SUSD5: variants seen among roughly 807,000 people sequenced by gnomAD.
SUSD5 encodes the protein sushi domain-containing protein 5.
SUSD5 carries 33 observed loss-of-function variants against 29.5 expected under a neutral mutation model. That is an observed-to-expected ratio of 1.12 (90% CI 0.85 to 1.49). The LOEUF is 1.49. Among genes scored for constraint, SUSD5 ranks in the 40% most tolerant of loss-of-function variants. The pLI is 0.00. For synonymous variants in SUSD5, 308 were observed against 325.3 expected (o/e 0.95, Z 0.57); for missense variants, 776 against 800.6 (o/e 0.97, Z 0.37).
At chr3:33,175,231 C>T (rs1279627496) in intron 3 of SUSD5, among the ~76,000 whole-genome samples, 157 bp from the exon 4 acceptor site, 1 of 152,152 alleles carries the variant, frequency 6.6e-6, no homozygotes, top group East Asian at 1.9e-4. Flanking sequence ...AACTCCAAGG[C>T]CTGGCAGAAT....
At chr3:33,211,813 G>A (rs1049581577) in intron 2 of SUSD5, among the ~76,000 whole-genome samples, 1 of 152,112 alleles carries the variant, frequency 6.6e-6, no homozygotes, top group Admixed American at 6.6e-5. Flanking sequence ...TATTTTCCCA[G>A]ACCAATATCC....
chr3:33,177,668 A>C (rs2031580461), intron 3 of SUSD5, among the ~76,000 whole-genome samples: 1 of 152,168 alleles, frequency 6.6e-6, no homozygotes, highest in African/African-American at 2.4e-5. Flanking sequence ...GCCACTGCAC[A>C]CAACTGGTAA....
intron 3 of SUSD5, among the ~76,000 whole-genome samples, chr3:33,200,994 A>G (rs2032106237): frequency 6.6e-6 from 1 of 152,356 alleles, no homozygotes; most frequent in Middle Eastern, 3.4e-3. Context: ...TTAAGCAAAA[A>G]GGAACCAGAA....
chr3:33,209,460 T>C (rs1194216950), intron 2 of SUSD5, among the ~76,000 whole-genome samples: 2 of 152,128 alleles, frequency 1.3e-5, no homozygotes, highest in Non-Finnish European at 2.9e-5. Flanking sequence ...TTCATCCTTT[T>C]TCCCTCTGTT....
At chr3:33,155,898 A>G (rs1341614643) in intron 4 of SUSD5, among the ~76,000 whole-genome samples, 1 of 152,218 alleles carries the variant, frequency 6.6e-6, no homozygotes, top group Non-Finnish European at 1.5e-5. Flanking sequence ...ATGACTGGGT[A>G]TGGTACAAAC....
intron 2 of SUSD5, among the ~76,000 whole-genome samples, chr3:33,211,284 C>A (rs1411361839): frequency 6.6e-6 from 1 of 152,168 alleles, no homozygotes; most frequent in Non-Finnish European, 1.5e-5. Flanking sequence ...AGAAGATGGA[C>A]CTTTCTAATC....
In SUSD5 at chr3:33,204,360, A is replaced by C. The variant is rs577775825; in HGVS notation, c.409+3448T>G. Among the ~76,000 whole-genome samples, 2 of 150,986 alleles carry C rather than the reference A, an allele frequency of 1.3e-5. No individual in the cohort carries two copies. The highest frequency in any genetic ancestry group is 3.0e-5 in the Non-Finnish European group (2 of 67,702). ...TTTTTTGAGACAGTCTTGTTCTGTC[A>C]CCCAGGGTGGAGTGCAGTGGTGCGA... On this transcript the variant is annotated intron_variant, in intron 3 of 4. Transcript: ENST00000309558. The surrounding 1 kb of genome is among the most constrained non-coding windows in gnomAD (Gnocchi z 4.5).
rs61744674 is a variant in SUSD5 at position 33,207,878 on chromosome 3, A to C, written c.339T>G (p.Ala113=). The C allele has an allele frequency of 3.8e-3, 6,145 of 1,613,944 alleles. 18 individuals carry two copies. The highest frequency in any genetic ancestry group is 4.6e-3 in the Admixed American group (279 of 60,006). ...GGTTGCTCTCAATTCTCACATCGACAGCTCTCATGATTTGCTGTTCTCCAC... is the reference window on the plus strand; with the variant it reads ...GGTTGCTCTCAATTCTCACATCGACCGCTCTCATGATTTGCTGTTCTCCAC... ...KGSGEQQIMR[A]VDVRIESNPV... Residue 113 remains alanine (A), a synonymous_variant, in exon 3 of 5, where the codon GCT becomes GCG. Coordinates refer to ENST00000309558, the MANE Select transcript of SUSD5 (RefSeq NM_015551.2).
chr3:33,154,068 C>A, intron 4 of SUSD5, 35 bp from the exon 5 acceptor site: 1 of 1,512,212 alleles, frequency 6.6e-7, no homozygotes, highest in Non-Finnish European at 8.9e-7. Flanking sequence ...TCATTAGCTC[C>A]AAAGGCACAG....
At position 33,173,127 on chromosome 3, in the gene SUSD5, C is replaced by T. The variant is rs570256626; in HGVS notation, c.598+1759G>A. ...CATTTTACACAAAGAAATTCTAATG[C>T]CCTATTAACATGTGATAAGTGCTTG... is the stretch of plus-strand genomic sequence containing the variant. On this transcript the variant is annotated intron_variant, in intron 4 of 4. Coordinates refer to ENST00000309558, the MANE Select transcript of SUSD5 (RefSeq NM_015551.2). Among the ~76,000 whole-genome samples, 134 of 152,226 alleles carry T rather than the reference C, an allele frequency of 8.8e-4. 1 individual carries two copies. The Middle Eastern group carries it at 0.014, about 15-fold the overall frequency.
rs904223660 is a variant in SUSD5, at chr3:33,204,211, C to G, written c.409+3597G>C. Among the ~76,000 whole-genome samples the G allele has an allele frequency of 6.6e-6, 1 of 152,008 alleles. No individual in the cohort carries two copies. The highest frequency in any genetic ancestry group is 1.9e-4 in the East Asian group (1 of 5,184). On this transcript the variant is annotated intron_variant, in intron 3 of 4. Transcript: ENST00000309558. This position sits in a 1 kb window ranked among gnomAD's most constrained non-coding sequence, Gnocchi z 4.5. Reference sequence around the variant, plus strand: ...TATTTACATATGTATATATATGTATCTTGCTATGTTGCCCAGGCTGGTCTC... The same window carrying G: ...TATTTACATATGTATATATATGTATGTTGCTATGTTGCCCAGGCTGGTCTC...
rs2030938664 is a variant in SUSD5, at chr3:33,152,876, G to A, written c.1756C>T (p.Leu586=). 1.9e-6 allele frequency: 3 copies of A among 1,613,896 alleles called. No homozygotes were observed. The highest frequency in any genetic ancestry group is 2.2e-5 in the South Asian group (2 of 91,090). ...IATIVTVLCL[L]LLLAGVGMVW... ...ATCCCCACACCTGCCAGGAGCAGCA[G>A]TAGGCACAGGACGGTGACAATGGTG... The change falls in exon 5 of 5, where the codon CTG becomes TTG. Residue 586 remains leucine (L), a synonymous_variant. Transcript: ENST00000309558.
chr3:33,217,674 T>C (rs924389037), intron 1 of SUSD5, among the ~76,000 whole-genome samples: 4 of 152,012 alleles, frequency 2.6e-5, no homozygotes, highest in African/African-American at 9.7e-5. Flanking sequence ...GCTTTCCCCT[T>C]TTCCTGACAA....
intron 3 of SUSD5, among the ~76,000 whole-genome samples, chr3:33,175,927 C>A (rs1192889616): frequency 6.6e-6 from 1 of 152,164 alleles, no homozygotes; most frequent in Non-Finnish European, 1.5e-5. Flanking sequence ...GACAAATGCA[C>A]AGTGACACAT....
rs944278051 is a variant in SUSD5, at chr3:33,174,898, C to A, written c.586G>T (p.Ala196Ser). 6.8e-6 allele frequency: 11 copies of A among 1,613,866 alleles called. No individual in the cohort carries two copies. The highest frequency in any genetic ancestry group is 9.3e-6 in the Non-Finnish European group (11 of 1,179,888). The change falls in exon 4 of 5, where the codon GCC (alanine) becomes TCC (serine). Residue 196 changes from alanine (A) to serine (S), a missense_variant. Coordinates refer to ENST00000309558, the MANE Select transcript of SUSD5 (RefSeq NM_015551.2). ...SCGEWYGLVQACGKDEAEAHI... is the reference protein window; with the variant it reads ...SCGEWYGLVQSCGKDEAEAHI... ...CTGGGCTGCTTACCTTTCCCACAGG[C>A]CTGCACCAGGCCGTACCACTCCCCA...
chr3:33,176,056 TA>T (rs1391109652), intron 3 of SUSD5, among the ~76,000 whole-genome samples: 1 of 152,228 alleles, frequency 6.6e-6, no homozygotes, highest in African/African-American at 2.4e-5. Context: ...ACTGTCTCCA[TA>T]GTTTGCCTTT....
intron 3 of SUSD5, among the ~76,000 whole-genome samples, chr3:33,199,425 C>T (rs2032063923): frequency 6.6e-6 from 1 of 152,186 alleles, no homozygotes. Flanking sequence ...AGGCACCCGC[C>T]ACCACGCCCG....
At chr3:33,185,952 A>AT (rs965676418) in intron 3 of SUSD5, among the ~76,000 whole-genome samples, 6 of 152,012 alleles carry the variant, frequency 3.9e-5, no homozygotes, top group Non-Finnish European at 8.8e-5. Flanking sequence ...GTTACAATTA[A>AT]AAAAAATTCA....
At chr3:33,186,314 AAAG>A in intron 3 of SUSD5, among the ~76,000 whole-genome samples, 1 of 152,118 alleles carries the variant, frequency 6.6e-6, no homozygotes, top group Non-Finnish European at 1.5e-5. Context: ...AAGAAAAAAA[AAAG>A]AAGATAGACT....
Sources: gnomAD v4.1 joint callset for allele counts (sites outside exome capture counted in the v4.1 genomes callset) on GRCh38, gnomAD v4.1.1 for gene constraint, Gnocchi (gnomAD v3.1) non-coding constraint, MANE v1.5 for transcripts, NCBI Gene and HGNC (gene_info 2026-07-23, HGNC 2026-07-21) for gene names.